MPPED2: variants seen among roughly 807,000 people sequenced by gnomAD.
MPPED2 encodes the protein metallophosphoesterase MPPED2.
MPPED2 carries 5 observed loss-of-function variants against 33.0 expected under a neutral mutation model. The ratio of observed to expected loss-of-function variants is 0.15; its 90% CI spans 0.08 to 0.32. The LOEUF (loss-of-function observed/expected upper bound fraction) is 0.32. Ranked by LOEUF, MPPED2 falls within the 10% of genes least tolerant of loss-of-function variation. The pLI is 1.00. For synonymous variants in MPPED2, 136 were observed against 141.9 expected (o/e 0.96, Z 0.29); for missense variants, 275 against 372.1 (o/e 0.74, Z 2.15).
intron 2 of MPPED2, among the ~76,000 whole-genome samples, chr11:30,564,076 C>T (rs1956342023): frequency 6.6e-6 from 1 of 152,144 alleles, no homozygotes; most frequent in African/African-American, 2.4e-5. Context: ...AGCTAACTCC[C>T]TCTTGCTACT....
intron 4 of MPPED2, among the ~76,000 whole-genome samples, chr11:30,487,752 A>G (rs1259632252): frequency 6.6e-6 from 1 of 152,178 alleles, no homozygotes; most frequent in Non-Finnish European, 1.5e-5. Flanking sequence ...TTGGGATTAC[A>G]TGCACAAGTC....
chr11:30,421,328 T>A (rs1948601389), intron 4 of MPPED2, among the ~76,000 whole-genome samples: 1 of 152,182 alleles, frequency 6.6e-6, no homozygotes, highest in African/African-American at 2.4e-5. Flanking sequence ...GGTCTATATT[T>A]ATAGAGACCC....
intron 4 of MPPED2, chr11:30,451,891 A>G (rs562422593): frequency 3.0e-6 from 3 of 985,272 alleles, no homozygotes; most frequent in African/African-American, 1.7e-5. Flanking sequence ...TTCCAGCTCA[A>G]TGCAATTGTG....
chr11:30,491,767 A>G (rs773407786), intron 4 of MPPED2, among the ~76,000 whole-genome samples: 4 of 152,244 alleles, frequency 2.6e-5, no homozygotes, highest in Non-Finnish European at 5.9e-5. Context: ...TCAGATTATC[A>G]GTAGCTCTGG....
chr11:30,555,779 A>T (rs1955938138), intron 2 of MPPED2, among the ~76,000 whole-genome samples: 1 of 152,296 alleles, frequency 6.6e-6, no homozygotes, highest in East Asian at 1.9e-4. Flanking sequence ...ATTTCTTCAT[A>T]GCAGTATGAA....
chr11:30,563,744 A>G (rs943836583), intron 2 of MPPED2, among the ~76,000 whole-genome samples: 2 of 152,210 alleles, frequency 1.3e-5, no homozygotes, highest in African/African-American at 2.4e-5. Context: ...CTGTTTATTG[A>G]TTTGTCAAAG....
chr11:30,415,552 C>T (rs1004383421), intron 5 of MPPED2, among the ~76,000 whole-genome samples: 3 of 152,160 alleles, frequency 2.0e-5, no homozygotes, highest in Non-Finnish European at 2.9e-5. Context: ...TCCAATGTCA[C>T]GTTTTCACAA....
chr11:30,505,150 C>G (rs2134266605), intron 3 of MPPED2, among the ~76,000 whole-genome samples: 1 of 152,312 alleles, frequency 6.6e-6, no homozygotes, highest in African/African-American at 2.4e-5. Flanking sequence ...GATGGGGAAG[C>G]AGGCCATTAA....
At chr11:30,436,050 CTT>C (rs71060449) in intron 4 of MPPED2, among the ~76,000 whole-genome samples, 24,115 of 107,858 alleles carry the variant, frequency 0.22, 2,356 homozygotes, top group Non-Finnish European at 0.28. Flanking sequence ...AGTTTAGCAT[CTT>C]TTTTTTTTTT....
intron 4 of MPPED2, among the ~76,000 whole-genome samples, chr11:30,492,717 A>G (rs199507684): frequency 2.2e-3 from 25 of 11,410 alleles, no homozygotes; most frequent in Admixed American, 0.014. Context: ...ACCTTACTAA[A>G]TAAAGCTAGG....
At chr11:30,512,676 C>T (rs561056613) in intron 3 of MPPED2, among the ~76,000 whole-genome samples, 11 of 152,188 alleles carry the variant, frequency 7.2e-5, no homozygotes, top group East Asian at 3.9e-4. Context: ...TTCCCAAACC[C>T]GTTTGATCTT....
rs374754552 is a variant in MPPED2, at chr11:30,580,385, A to G, written c.-12T>C. The G allele has an allele frequency of 1.7e-5, 27 of 1,613,928 alleles. No individual in the cohort carries two copies. The highest frequency in any genetic ancestry group is 1.9e-5 in the Non-Finnish European group (22 of 1,179,934). On this transcript the variant is annotated 5_prime_UTR_variant, in exon 2 of 7. Coordinates refer to ENST00000358117, the MANE Select transcript of MPPED2 (RefSeq NM_001584.3). ...ATCCCATGTGCCATCCTTCCTCCCTATAGGCATGAGCAATTCACAACTTTA... is the reference window on the plus strand; with the variant it reads ...ATCCCATGTGCCATCCTTCCTCCCTGTAGGCATGAGCAATTCACAACTTTA...
At chr11:30,417,279 C>T (rs1012659075) in intron 5 of MPPED2, among the ~76,000 whole-genome samples, 2 of 152,166 alleles carry the variant, frequency 1.3e-5, no homozygotes, top group East Asian at 1.9e-4. Flanking sequence ...ACACCATACT[C>T]ATTTGATTTT....
At chr11:30,415,616 C>T (rs944337322) in intron 5 of MPPED2, among the ~76,000 whole-genome samples, 5 of 152,110 alleles carry the variant, frequency 3.3e-5, no homozygotes, top group Non-Finnish European at 7.4e-5. Context: ...GAAGACTTTG[C>T]CTGACCTTTT....
intron 4 of MPPED2, among the ~76,000 whole-genome samples, chr11:30,464,914 T>A (rs2134021503): frequency 6.6e-6 from 1 of 152,288 alleles, no homozygotes; most frequent in Admixed American, 6.5e-5. Context: ...TCAATTCAAC[T>A]CAGTTAAGAG....
chr11:30,436,428 A>G (rs1037447880), intron 4 of MPPED2, among the ~76,000 whole-genome samples: 2 of 152,140 alleles, frequency 1.3e-5, no homozygotes, highest in Non-Finnish European at 2.9e-5. Context: ...CAGTCTTGGG[A>G]CCAGAGTTTA....
exon 7 of MPPED2, chr11:30,386,249 C>G (rs1028459693): frequency 6.6e-6 from 1 of 152,596 alleles, no homozygotes; most frequent in Admixed American, 6.5e-5. Flanking sequence ...GTGCTAATAA[C>G]CAAGACAATG....
At chr11:30,569,476 G>T (rs1229244857) in intron 2 of MPPED2, among the ~76,000 whole-genome samples, 1 of 152,128 alleles carries the variant, frequency 6.6e-6, no homozygotes, top group Non-Finnish European at 1.5e-5. Flanking sequence ...GTCAAGAAAG[G>T]TTTCAATGCT....
intron 2 of MPPED2, among the ~76,000 whole-genome samples, chr11:30,550,531 G>A (rs534687851): frequency 4.6e-5 from 7 of 152,284 alleles, no homozygotes; most frequent in Non-Finnish European, 1.0e-4. Context: ...TGGCAATTTA[G>A]GAAGCAGGTA....
Sources: allele counts gnomAD v4.1 joint callset (sites outside exome capture counted in the v4.1 genomes callset), GRCh38; gene constraint gnomAD v4.1.1; transcripts MANE v1.5; gene names NCBI Gene and HGNC (gene_info 2026-07-23, HGNC 2026-07-21).